The following KCNMA1 variants were observed in gnomAD, a reference collection of about 807,000 sequenced individuals.
KCNMA1 encodes the protein Calcium-activated potassium channel subunit alpha-1.
A neutral mutation model predicts 140.0 loss-of-function variants in KCNMA1; 29 were observed. The observed-to-expected ratio is 0.21, with a 90% CI of 0.15 to 0.28. KCNMA1 has a LOEUF of 0.28. Ranked by LOEUF, KCNMA1 falls within the 10% of genes least tolerant of loss-of-function variation. KCNMA1 has a pLI of 1.00. For missense variants in KCNMA1, 880 were observed against 1,602.2 expected (o/e 0.55, Z 7.70); for synonymous variants, 612 against 611.9 (o/e 1.00, Z 0.00).
chr10:76,974,298 G>A (rs41274570), intron 19 of KCNMA1: 23,954 of 515,104 alleles, frequency 0.047, 751 homozygotes, highest in Non-Finnish European at 0.061. Context: ...GGGTGAGGTC[G>A]TTTTAATTAT....
At chr10:77,401,138 A>C (rs1022272419) in intron 2 of KCNMA1, among the ~76,000 whole-genome samples, 1 of 147,440 alleles carries the variant, frequency 6.8e-6, no homozygotes, top group African/African-American at 2.5e-5. Context: ...CTTGTTCTAC[A>C]AACTTCAAAA....
intron 23 of KCNMA1, among the ~76,000 whole-genome samples, chr10:76,926,623 GCA>G (rs1483354982): frequency 1.3e-5 from 2 of 152,222 alleles, no homozygotes; most frequent in Admixed American, 6.5e-5. Flanking sequence ...TGAGGTTGTA[GCA>G]ATGTCCCAAA....
chr10:77,596,264 G>A (rs1026829074), intron 1 of KCNMA1, among the ~76,000 whole-genome samples: 8 of 152,164 alleles, frequency 5.3e-5, no homozygotes, highest in African/African-American at 1.9e-4. Context: ...CCTCTCCAGA[G>A]ATCAATTTCA....
chr10:77,456,906 G>A (rs147069434), intron 1 of KCNMA1, among the ~76,000 whole-genome samples: 16 of 152,342 alleles, frequency 1.1e-4, no homozygotes, highest in East Asian at 5.8e-4. Context: ...AGACACTGTC[G>A]CTATGGGTGT....
intron 15 of KCNMA1, among the ~76,000 whole-genome samples, chr10:77,031,620 C>T (rs564600544): frequency 6.6e-6 from 1 of 152,332 alleles, no homozygotes; most frequent in South Asian, 2.1e-4. Context: ...TTAGATCCTG[C>T]CACAGAGAGT....
In KCNMA1 at chr10:77,445,365, G is replaced by GACACAC. The variant is rs33995063; in HGVS notation, c.379-41348_379-41343dup. On this transcript the variant is annotated intron_variant, in intron 1 of 27. Transcript: ENST00000286628. ...TCTCTCTCTCACACGCACATACACA[G>GACACAC]ACACACACACACACACACACACACA... Among the ~76,000 whole-genome samples the GACACAC allele has an allele frequency of 2.2e-3, 317 of 141,276 alleles. 4 individuals are homozygous for GACACAC. Among genetic ancestry groups the GACACAC allele is most frequent in the African/African-American group, 7.3e-3 (287 of 39,568 alleles). The allele number at this position is 141,276 out of a possible 152,430, so 92.7% of individuals were successfully genotyped here.
chr10:77,356,846 C>T (rs918518460), intron 2 of KCNMA1, among the ~76,000 whole-genome samples: 1 of 152,222 alleles, frequency 6.6e-6, no homozygotes, highest in African/African-American at 2.4e-5. Flanking sequence ...TGAGACCTAT[C>T]TTCCTGGCTG....
chr10:77,353,128 G>A (rs1206666849), intron 2 of KCNMA1, among the ~76,000 whole-genome samples: 1 of 152,204 alleles, frequency 6.6e-6, no homozygotes, highest in African/African-American at 2.4e-5. Flanking sequence ...CATTTCAAAT[G>A]AGGCTGTGAC....
chr10:77,194,737 G>A (rs999703619), intron 3 of KCNMA1, among the ~76,000 whole-genome samples: 1 of 151,960 alleles, frequency 6.6e-6, no homozygotes, highest in African/African-American at 2.4e-5. Flanking sequence ...AAGCAGAATG[G>A]CACACAAGCC....
At chr10:77,527,160 T>C (rs1709122131) in intron 1 of KCNMA1, among the ~76,000 whole-genome samples, 5 of 152,190 alleles carry the variant, frequency 3.3e-5, no homozygotes, top group Admixed American at 2.6e-4. Flanking sequence ...CCTCATGCAG[T>C]ATTAATATGG....
chr10:76,873,299 C>G (rs2031736475), downstream of KCNMA1: 1 of 152,110 alleles, frequency 6.6e-6, no homozygotes, highest in Admixed American at 6.5e-5. Context: ...CTTAAACAAC[C>G]AATATGACCA....
intron 2 of KCNMA1, among the ~76,000 whole-genome samples, chr10:77,292,173 T>C (rs1398600193): frequency 6.6e-6 from 1 of 152,074 alleles, no homozygotes; most frequent in Non-Finnish European, 1.5e-5. Context: ...GCAGCAGAGA[T>C]AGAAGGCACA....
At chr10:77,616,735 G>A (rs1224514413) in intron 1 of KCNMA1, among the ~76,000 whole-genome samples, 1 of 152,040 alleles carries the variant, frequency 6.6e-6, no homozygotes, top group Non-Finnish European at 1.5e-5. Context: ...GAACCTGATA[G>A]GTGGAGGTTG....
intron 1 of KCNMA1, among the ~76,000 whole-genome samples, chr10:77,433,362 A>T (rs2097191442): frequency 6.6e-6 from 1 of 152,198 alleles, no homozygotes; most frequent in South Asian, 2.1e-4. Context: ...CATGTTGGTC[A>T]GGCTGGTCTT....
At chr10:77,555,342 T>C (rs970847476) in intron 1 of KCNMA1, among the ~76,000 whole-genome samples, 2 of 151,944 alleles carry the variant, frequency 1.3e-5, no homozygotes, top group African/African-American at 2.4e-5. Flanking sequence ...CTGGCTATTA[T>C]AGGATGAGAG....
intron 2 of KCNMA1, among the ~76,000 whole-genome samples, chr10:77,368,495 C>G (rs2094497325): frequency 6.6e-6 from 1 of 152,142 alleles, no homozygotes; most frequent in African/African-American, 2.4e-5. Flanking sequence ...TGTAGCTTAT[C>G]TTTTCATTCT....
intron 14 of KCNMA1, among the ~76,000 whole-genome samples, chr10:77,048,108 CAATAAATA>C (rs60963807): frequency 2.4e-4 from 35 of 143,658 alleles, no homozygotes; most frequent in Non-Finnish European, 3.8e-4. Flanking sequence ...CATGATGAGA[CAATAAATA>C]AATAAATAAA....
chr10:77,596,868 G>C (rs1242975413), intron 1 of KCNMA1, among the ~76,000 whole-genome samples: 1 of 152,206 alleles, frequency 6.6e-6, no homozygotes, highest in Non-Finnish European at 1.5e-5. Context: ...CTTCCCACGG[G>C]ATGAAGGATT....
chr10:77,139,354 T>C (rs1398682535), intron 5 of KCNMA1, among the ~76,000 whole-genome samples: 2 of 152,146 alleles, frequency 1.3e-5, no homozygotes, highest in Non-Finnish European at 2.9e-5. Context: ...GGAGAGGAAA[T>C]ATAACAATCT....
Sources: gnomAD v4.1 joint callset for allele counts (sites outside exome capture counted in the v4.1 genomes callset) on GRCh38, gnomAD v4.1.1 for gene constraint, MANE v1.5 for transcripts, NCBI Gene and HGNC (gene_info 2026-07-23, HGNC 2026-07-21) for gene names.